The following TRAPPC12 variants were observed in gnomAD, a reference collection of about 807,000 sequenced individuals.
The protein encoded by TRAPPC12 is TPR repeat protein 15.
A neutral mutation model predicts 69.2 loss-of-function variants in TRAPPC12; 61 were observed. The observed-to-expected ratio is 0.88, with a 90% CI of 0.72 to 1.09. The LOEUF is 1.09. Ranked by LOEUF, TRAPPC12 falls within the 50% of genes least tolerant of loss-of-function variation. TRAPPC12 has a pLI of 0.00. For synonymous variants in TRAPPC12, 469 were observed against 438.9 expected, an observed-to-expected ratio of 1.07 and a Z score of -0.86; for missense variants, 1,101 against 1,016.4, an observed-to-expected ratio of 1.08 and a Z score of -1.13.
At chr2:3,430,040 G>A (rs1663340083) in intron 5 of TRAPPC12, among the ~76,000 whole-genome samples, 1 of 152,098 alleles carries the variant, frequency 6.6e-6, no homozygotes, top group African/African-American at 2.4e-5. Context: ...TACACACAGA[G>A]AAATACATAT....
rs1453602755 is a variant in TRAPPC12 at position 3,479,293 on chromosome 2, G to A, written c.2040G>A (p.Met680Ile). Reference sequence around the variant, plus strand: ...ACTCCCTGCGGCAGCTGGAGGCCATGGTCCAGCAGGACCCCAGGCACTACC... The same window carrying A: ...ACTCCCTGCGGCAGCTGGAGGCCATAGTCCAGCAGGACCCCAGGCACTACC... Reference protein sequence around the residue: ...LKDSLRQLEAMVQQDPRHYLH... With the variant: ...LKDSLRQLEAIVQQDPRHYLH... Residue 680 changes from methionine (M) to isoleucine (I), a missense_variant, in exon 12 of 12, where the codon ATG (methionine) becomes ATA (isoleucine). Transcript: ENST00000324266. 1 of 1,614,172 alleles carries A rather than the reference G, an allele frequency of 6.2e-7. No homozygotes were observed. The highest frequency in any genetic ancestry group is 8.5e-7 in the Non-Finnish European group (1 of 1,180,050).
rs766942805 is a variant in TRAPPC12 at position 3,479,352 on chromosome 2, T to G, written c.2099T>G (p.Met700Arg). The change falls in exon 12 of 12, where the codon ATG (methionine) becomes AGG (arginine). Residue 700 changes from methionine (M) to arginine (R), a missense_variant. Met to Arg is a moderately conservative substitution (Grantham distance 91). Coordinates refer to ENST00000324266, the MANE Select transcript of TRAPPC12 (RefSeq NM_016030.6). ...HESVLFNLTT[M>R]YELESSRSMQ... Reference sequence around the variant, plus strand: ...AGCGTGCTCTTCAACCTGACCACCATGTACGAGCTGGAGTCCTCACGGAGC... The same window carrying G: ...AGCGTGCTCTTCAACCTGACCACCAGGTACGAGCTGGAGTCCTCACGGAGC... 6.2e-7 allele frequency: 1 copy of G among 1,614,156 alleles called. No homozygotes were observed. The highest frequency in any genetic ancestry group is 8.5e-7 in the Non-Finnish European group (1 of 1,180,034).
At chr2:3,425,567 GGCT>G (rs1265584868) in intron 5 of TRAPPC12, among the ~76,000 whole-genome samples, 1 of 152,144 alleles carries the variant, frequency 6.6e-6, no homozygotes, top group Non-Finnish European at 1.5e-5. Context: ...TTGGAATAAT[GGCT>G]GCTATCTAGT....
intron 7 of TRAPPC12, chr2:3,458,526 G>A (rs1321572456): frequency 4.6e-6 from 4 of 875,370 alleles, no homozygotes; most frequent in African/African-American, 4.5e-5. Context: ...GTGTGTATGT[G>A]TGTGGTGTGT....
chr2:3,458,860 A>G (rs1392935904), intron 7 of TRAPPC12, among the ~76,000 whole-genome samples: 2 of 152,240 alleles, frequency 1.3e-5, no homozygotes, highest in African/African-American at 2.4e-5. Flanking sequence ...GGAATCTGCA[A>G]AGATCATCAG....
intron 5 of TRAPPC12, among the ~76,000 whole-genome samples, chr2:3,439,195 TATG>T (rs1183206278): frequency 6.6e-6 from 1 of 152,236 alleles, no homozygotes; most frequent in East Asian, 1.9e-4. Context: ...CCTAATGACA[TATG>T]ATGATGAGCA....
intron 3 of TRAPPC12, among the ~76,000 whole-genome samples, chr2:3,408,809 C>G (rs889526669): frequency 2.0e-5 from 3 of 152,172 alleles, no homozygotes; most frequent in African/African-American, 7.2e-5. Flanking sequence ...TATTAAAAAT[C>G]TTAATATTCA....
intron 2 of TRAPPC12, 151 bp downstream of exon 2, chr2:3,388,821 G>A: frequency 2.7e-6 from 2 of 744,300 alleles, no homozygotes; most frequent in South Asian, 4.6e-5. Flanking sequence ...CTCTGTCCCT[G>A]GGTAATTAGG....
intron 7 of TRAPPC12, chr2:3,457,926 C>T (rs1481336800): frequency 7.1e-6 from 10 of 1,401,914 alleles, no homozygotes; most frequent in East Asian, 2.6e-5. Flanking sequence ...GGAGAAGACA[C>T]GCCTTCACCA....
At chr2:3,390,722 T>G (rs1379743756) in intron 2 of TRAPPC12, among the ~76,000 whole-genome samples, 1 of 152,194 alleles carries the variant, frequency 6.6e-6, no homozygotes, top group Admixed American at 6.5e-5. Flanking sequence ...TCTACCCTAA[T>G]GTAAGCTGTA....
intron 9 of TRAPPC12, among the ~76,000 whole-genome samples, chr2:3,473,146 T>C (rs1191693372): frequency 6.6e-6 from 1 of 151,968 alleles, no homozygotes; most frequent in East Asian, 1.9e-4. Flanking sequence ...GCCTGCCTGG[T>C]TCCCAGCAGG....
chr2:3,432,357 A>G (rs1461019549), intron 5 of TRAPPC12, among the ~76,000 whole-genome samples: 1 of 152,180 alleles, frequency 6.6e-6, no homozygotes, highest in African/African-American at 2.4e-5. Context: ...CTGCTCCTCT[A>G]TGTGCATAAA....
intron 1 of TRAPPC12, among the ~76,000 whole-genome samples, chr2:3,383,964 C>T (rs1402618234): frequency 7.3e-6 from 1 of 137,830 alleles, no homozygotes; most frequent in South Asian, 2.4e-4. Context: ...GGTGCGATCT[C>T]GGCTCACTGC....
intron 1 of TRAPPC12, 104 bp from the exon 2 acceptor site, chr2:3,387,516 A>C: frequency 1.1e-6 from 1 of 946,206 alleles, no homozygotes; most frequent in Non-Finnish European, 1.5e-6. Context: ...AAGAAGCTGG[A>C]GAAATGGAAG....
chr2:3,402,342 A>G (rs979017621), intron 3 of TRAPPC12, among the ~76,000 whole-genome samples: 1 of 152,224 alleles, frequency 6.6e-6, no homozygotes, highest in Non-Finnish European at 1.5e-5. Flanking sequence ...CTGTAATCCC[A>G]GCACTTTGGG....
intron 3 of TRAPPC12, among the ~76,000 whole-genome samples, chr2:3,420,210 C>T (rs527457452): frequency 4.6e-5 from 7 of 152,266 alleles, no homozygotes; most frequent in South Asian, 2.1e-4. Context: ...CTATCAACCC[C>T]TCAGAAGACC....
At chr2:3,400,059 T>A (rs1240827318) in intron 2 of TRAPPC12, among the ~76,000 whole-genome samples, 3 of 152,214 alleles carry the variant, frequency 2.0e-5, no homozygotes, top group African/African-American at 7.2e-5. Context: ...TGAGTCTTTC[T>A]TCTGCTCACC....
chr2:3,477,764 C>A lies in TRAPPC12; in HGVS notation c.1846C>A (p.Leu616Ile). Residue 616 changes from leucine (L) to isoleucine (I), a missense_variant, in exon 10 of 12, where the codon CTA becomes ATA. Physicochemically the swap from Leu to Ile is conservative, Grantham distance 5. Coordinates refer to ENST00000324266, the MANE Select transcript of TRAPPC12 (RefSeq NM_016030.6). ...GAAAGTAACACAGAAATTAGATGGA[C>A]TACAGGGTAAAATCATGGTTTTGAT... The part of the protein sequence containing the change: ...VEKVTQKLDG[L>I]QGKIMVLMNS... The A allele has an allele frequency of 6.2e-7, 1 of 1,603,710 alleles. No individual in the cohort carries two copies.
In TRAPPC12 at chr2:3,421,987, C is replaced by T; in HGVS notation, c.1271C>T (p.Ser424Leu). 6.2e-7 allele frequency: 1 copy of T among 1,611,926 alleles called. No individual in the cohort carries two copies. Among genetic ancestry groups the T allele is most frequent in the East Asian group, 2.2e-5 (1 of 44,724 alleles). ...SGLLTSHTTD[S>L]LQLWFVRLAL... Reference sequence around the variant, plus strand: ...CTGCTCACCAGCCACACGACAGATTCACTGCAGGTGAGAACACCTTTCAGG... The same window carrying T: ...CTGCTCACCAGCCACACGACAGATTTACTGCAGGTGAGAACACCTTTCAGG... Residue 424 changes from serine (S) to leucine (L), a missense_variant, in exon 4 of 12, where the codon TCA becomes TTA. Ser to Leu is a moderately radical substitution (Grantham distance 145, BLOSUM62 -2). Coordinates refer to ENST00000324266, the MANE Select transcript of TRAPPC12 (RefSeq NM_016030.6).
Sources: allele counts gnomAD v4.1 joint callset (sites outside exome capture counted in the v4.1 genomes callset), GRCh38; gene constraint gnomAD v4.1.1; transcripts MANE v1.5; gene names NCBI Gene and HGNC (gene_info 2026-07-23, HGNC 2026-07-21).